WWP2: variants seen among roughly 807,000 people sequenced by gnomAD.
The protein encoded by WWP2 is WW domain containing E3 ubiquitin protein ligase 2.
A neutral mutation model predicts 121.0 loss-of-function variants in WWP2; 57 were observed. The observed-to-expected ratio is 0.47, with a 90% CI of 0.38 to 0.59. WWP2 has a LOEUF of 0.59. Ranked by LOEUF, WWP2 falls within the 20% of genes least tolerant of loss-of-function variation. WWP2 has a pLI of 0.00. For missense variants in WWP2, 962 were observed against 1,158.9 expected (o/e 0.83, Z 2.47); for synonymous variants, 449 against 441.3 (o/e 1.02, Z -0.22).
At chr16:69,852,693 G>GT (rs879840783) in intron 6 of WWP2, among the ~76,000 whole-genome samples, 6 of 152,060 alleles carry the variant, frequency 3.9e-5, no homozygotes, top group Non-Finnish European at 8.8e-5. Flanking sequence ...TTATTGTTGA[G>GT]TTTTAAGCAT....
chr16:69,894,293 C>G (rs562715547), intron 8 of WWP2, among the ~76,000 whole-genome samples: 27 of 150,152 alleles, frequency 1.8e-4, no homozygotes, highest in Middle Eastern at 6.9e-3. Flanking sequence ...GTTGCCCATG[C>G]GGATCTCAAA....
chr16:69,906,191 G>T (rs2058289368), intron 8 of WWP2, among the ~76,000 whole-genome samples: 1 of 151,678 alleles, frequency 6.6e-6, no homozygotes, highest in African/African-American at 2.4e-5. Flanking sequence ...TCCTCCCTCA[G>T]CCTCCCAAGT....
At chr16:69,939,436 G>A (rs760141288) in intron 23 of WWP2, 23 bp downstream of exon 23, 22 of 1,613,668 alleles carry the variant, frequency 1.4e-5, no homozygotes, top group Non-Finnish European at 8.5e-6. Context: ...GTTTTAGTGG[G>A]AGGTCGGGGG....
At chr16:69,919,702 A>G (rs1307072624) in intron 10 of WWP2, among the ~76,000 whole-genome samples, 2 of 151,430 alleles carry the variant, frequency 1.3e-5, no homozygotes, top group African/African-American at 4.9e-5. Flanking sequence ...AGCACTTTAG[A>G]TGCGAAGGTT....
chr16:69,798,622 CAG>C, intron 2 of WWP2, 58 bp from the exon 3 acceptor site: 1 of 1,545,296 alleles, frequency 6.5e-7, no homozygotes. Context: ...ACATCTGCCA[CAG>C]GGGGGCATCT....
chr16:69,939,665 G>A (rs1474106964), intron 23 of WWP2, among the ~76,000 whole-genome samples, 176 bp from the exon 24 acceptor site: 1 of 151,968 alleles, frequency 6.6e-6, no homozygotes, highest in African/African-American at 2.4e-5. Context: ...AGCTGTCCTG[G>A]CCCCTCCCTT....
intron 6 of WWP2, among the ~76,000 whole-genome samples, chr16:69,847,472 C>G (rs1485498663): frequency 2.7e-5 from 4 of 150,756 alleles, no homozygotes; most frequent in African/African-American, 2.4e-5. Context: ...TGCAATGGTG[C>G]AAACTCAGCT....
chr16:69,772,152 G>A (rs1447525662), intron 1 of WWP2, among the ~76,000 whole-genome samples: 3 of 151,422 alleles, frequency 2.0e-5, no homozygotes, highest in African/African-American at 7.3e-5. Flanking sequence ...GTAAAGACAG[G>A]GTTTCATCAT....
chr16:69,777,838 G>A (rs2055568602), intron 1 of WWP2, among the ~76,000 whole-genome samples: 1 of 150,528 alleles, frequency 6.6e-6, no homozygotes, highest in African/African-American at 2.4e-5. Context: ...AGGCTGAGGT[G>A]GGAGGATTGC....
At chr16:69,896,687 C>T (rs1225133048) in intron 8 of WWP2, among the ~76,000 whole-genome samples, 1 of 151,656 alleles carries the variant, frequency 6.6e-6, no homozygotes, top group Middle Eastern at 3.2e-3. Flanking sequence ...AAACACCCCC[C>T]CAGAGCTGAC....
chr16:69,916,229 C>G (rs967041570), intron 9 of WWP2, among the ~76,000 whole-genome samples: 1 of 152,048 alleles, frequency 6.6e-6, no homozygotes. Context: ...GGATCTCACT[C>G]TGTCGCCCAG....
rs577352883 is a variant in WWP2 at position 69,839,991 on chromosome 16, A to T, written c.341-135A>T. ...TTCCCACTCTTTTTTCCATGCCACG[A>T]GGCAAAATGTGAAGATGTGGAGAAA... On this transcript the variant is annotated intron_variant, in intron 4 of 23. Transcript: ENST00000359154. 4.1e-5 allele frequency: 53 copies of T among 1,286,204 alleles called. No homozygotes were observed. In the Admixed American group the frequency reaches 7.9e-4, roughly 19 times the overall value. 79.7% of individuals were successfully genotyped at this position (1,286,204 alleles called of 1,614,324 possible).
intron 2 of WWP2, among the ~76,000 whole-genome samples, chr16:69,790,088 C>T (rs1000941538): frequency 6.6e-6 from 1 of 151,964 alleles, no homozygotes; most frequent in African/African-American, 2.4e-5. Flanking sequence ...ACTAAAAATA[C>T]ACAAAAAAAT....
intron 9 of WWP2, among the ~76,000 whole-genome samples, chr16:69,916,516 C>T (rs1008125819): frequency 2.0e-5 from 3 of 151,996 alleles, no homozygotes; most frequent in South Asian, 4.1e-4. Context: ...GAGGTTAATT[C>T]TGGGGTAGGA....
intron 7 of WWP2, among the ~76,000 whole-genome samples, chr16:69,878,097 C>T (rs1307375597): frequency 3.9e-5 from 6 of 152,100 alleles, no homozygotes; most frequent in African/African-American, 9.7e-5. Flanking sequence ...TGTGAGCCAC[C>T]GTGCCCAGCC....
At chr16:69,774,173 T>G (rs1384478152) in intron 1 of WWP2, among the ~76,000 whole-genome samples, 1 of 152,186 alleles carries the variant, frequency 6.6e-6, no homozygotes. Context: ...ACATCTGTTA[T>G]CTTATTGTTA....
At chr16:69,892,082 C>T (rs1391606808) in intron 8 of WWP2, among the ~76,000 whole-genome samples, 1 of 152,188 alleles carries the variant, frequency 6.6e-6, no homozygotes, top group South Asian at 2.1e-4. Flanking sequence ...CCTCTGAATG[C>T]CCAGCACCTA....
chr16:69,873,226 G>T (rs569668267), intron 7 of WWP2, among the ~76,000 whole-genome samples: 12 of 152,228 alleles, frequency 7.9e-5, no homozygotes, highest in Non-Finnish European at 1.5e-4. Context: ...GGAAGAAATT[G>T]ATTTGGGTTC....
At chr16:69,780,879 T>C (rs1308307666) in intron 1 of WWP2, among the ~76,000 whole-genome samples, 2 of 151,918 alleles carry the variant, frequency 1.3e-5, no homozygotes, top group African/African-American at 4.8e-5. Flanking sequence ...AGGAAAAAAA[T>C]CAGCTGGATG....
Sources: allele counts gnomAD v4.1 joint callset (sites outside exome capture counted in the v4.1 genomes callset), GRCh38; gene constraint gnomAD v4.1.1; transcripts MANE v1.5; gene names NCBI Gene and HGNC (gene_info 2026-07-23, HGNC 2026-07-21).